The following UBAP2 variants were observed in gnomAD, a reference collection of about 807,000 sequenced individuals.
UBAP2 encodes ubiquitin-associated protein 2.
UBAP2 carries 75 observed loss-of-function variants against 139.6 expected under a neutral mutation model. The observed-to-expected ratio is 0.54, with a 90% confidence interval of 0.45 to 0.65. UBAP2 has a LOEUF of 0.65. Among genes scored for constraint, UBAP2 ranks in the 30% least tolerant of loss-of-function variants. The pLI, the probability that UBAP2 is intolerant of heterozygous loss-of-function variation, is 0.00. For synonymous variants in UBAP2, 526 were observed against 526.2 expected (o/e 1.00, Z 0.01); for missense variants, 1,368 against 1,369.6 (o/e 1.00, Z 0.02).
intron 1 of UBAP2, among the ~76,000 whole-genome samples, chr9:34,026,035 A>C (rs1039572398): frequency 4.6e-5 from 7 of 152,174 alleles, no homozygotes; most frequent in African/African-American, 1.4e-4. Flanking sequence ...AATTCATCTA[A>C]CTTTAAGGCA....
At position 33,977,185 on chromosome 9, in the gene UBAP2, C is replaced by G. The variant is rs535547436; in HGVS notation, c.521-3948G>C. On this transcript the variant is annotated intron_variant, in intron 6 of 28. Coordinates refer to ENST00000379238, the MANE Select transcript of UBAP2 (RefSeq NM_001370062.2). ...TCCTGAGTAGCTGGGATTACAGGTGCCTGCCACCACGCCTGGCTGATTTTT... is the reference window on the plus strand; with the variant it reads ...TCCTGAGTAGCTGGGATTACAGGTGGCTGCCACCACGCCTGGCTGATTTTT... Among the ~76,000 whole-genome samples the G allele has an allele frequency of 3.5e-4, 53 of 151,094 alleles. 1 individual carries two copies. The highest frequency in any genetic ancestry group is 3.5e-3 in the Admixed American group (53 of 15,200).
intron 4 of UBAP2, among the ~76,000 whole-genome samples, chr9:33,991,859 T>C (rs1564051572): frequency 6.6e-6 from 1 of 152,318 alleles, no homozygotes; most frequent in East Asian, 1.9e-4. Flanking sequence ...ATACACAATG[T>C]ACATCTTTAC....
Position 33,948,494 on chromosome 9 carries a change from T to G in UBAP2, c.1150A>C (p.Ser384Arg). The G allele has an allele frequency of 6.2e-7, 1 of 1,614,182 alleles. No homozygotes were observed. The change falls in exon 13 of 29, where the codon AGT becomes CGT. Residue 384 changes from serine (S) to arginine (R), a missense_variant. Coordinates refer to ENST00000379238, the MANE Select transcript of UBAP2 (RefSeq NM_001370062.2). ...GGGGTGGTGGTAAACTGGCCCAAAC[T>G]CGGAGCTTTCAACTGGTCCAAAATC... ...SQILDQLKAP[S>R]LGQFTTTPST...
chr9:34,039,151 C>A (rs979152884), intron 1 of UBAP2, among the ~76,000 whole-genome samples: 4 of 149,856 alleles, frequency 2.7e-5, no homozygotes, highest in Admixed American at 2.0e-4. Flanking sequence ...AGGTGGGGGG[C>A]AGCCTCCGCC....
At chr9:33,999,131 C>T (rs7044541) in intron 2 of UBAP2, among the ~76,000 whole-genome samples, 122,808 of 152,042 alleles carry the variant, frequency 0.81, 49,728 homozygotes, top group Middle Eastern at 0.87. Flanking sequence ...TTACTTGAAT[C>T]TTCTTTCCCT....
chr9:34,039,122 G>A (rs1379781442), intron 1 of UBAP2, among the ~76,000 whole-genome samples: 18 of 151,606 alleles, frequency 1.2e-4, no homozygotes, highest in African/African-American at 3.1e-4. Flanking sequence ...GTCTCCGCCC[G>A]GCAGCCGGCC....
chr9:33,952,865 G>T (rs143424765), intron 12 of UBAP2: 22 of 154,912 alleles, frequency 1.4e-4, no homozygotes, highest in African/African-American at 4.8e-4. Flanking sequence ...ATCTACTGTA[G>T]AATTTTTTGA....
intron 11 of UBAP2, among the ~76,000 whole-genome samples, chr9:33,955,604 G>A (rs1359417164): frequency 3.3e-5 from 5 of 151,964 alleles, no homozygotes; most frequent in Admixed American, 2.6e-4. Context: ...TGAGGTGGGC[G>A]GATCACCTGA....
intron 11 of UBAP2, among the ~76,000 whole-genome samples, chr9:33,955,349 T>C (rs1826463088): frequency 6.6e-6 from 1 of 151,844 alleles, no homozygotes; most frequent in Non-Finnish European, 1.5e-5. Context: ...TGAAACCCCG[T>C]CTCCACTAAA....
intron 8 of UBAP2, chr9:33,968,072 T>C: frequency 4.4e-6 from 2 of 457,952 alleles, no homozygotes; most frequent in Non-Finnish European, 8.5e-6. Flanking sequence ...AAAGGCACTC[T>C]AACTTATCAG....
chr9:33,928,702 A>G (rs139328070), intron 19 of UBAP2: 1 of 152,532 alleles, frequency 6.6e-6, no homozygotes, highest in East Asian at 1.9e-4. Context: ...ACAGGGTCCT[A>G]TGAAGAACTT....
intron 10 of UBAP2, among the ~76,000 whole-genome samples, chr9:33,958,178 A>G (rs1392857117): frequency 4.6e-5 from 7 of 152,032 alleles, no homozygotes; most frequent in Non-Finnish European, 8.8e-5. Context: ...CCCAGGCTGC[A>G]CTTGATCTCT....
At chr9:33,926,888 G>C in intron 21 of UBAP2, 101 bp downstream of exon 21, 1 of 1,232,142 alleles carries the variant, frequency 8.1e-7, no homozygotes, top group Non-Finnish European at 1.2e-6. Context: ...TGGAAGGGCA[G>C]CTCAAGGTGG....
chr9:33,995,444 AAAT>A (rs1822089670), intron 4 of UBAP2: 1 of 138,096 alleles, frequency 7.2e-6, no homozygotes, highest in Non-Finnish European at 1.5e-5. Flanking sequence ...CAAATATTAT[AAAT>A]ATTATATATA....
intron 6 of UBAP2, among the ~76,000 whole-genome samples, chr9:33,978,364 C>CT (rs1467123957): frequency 6.6e-6 from 1 of 152,020 alleles, no homozygotes; most frequent in Non-Finnish European, 1.5e-5. Context: ...GCAAGAGCCC[C>CT]TTCTCTACCT....
At chr9:33,967,697 T>C (rs902463215) in intron 8 of UBAP2, among the ~76,000 whole-genome samples, 11 of 152,204 alleles carry the variant, frequency 7.2e-5, no homozygotes, top group Non-Finnish European at 1.5e-4. Context: ...AGATTTTATA[T>C]TAATTTCTGA....
chr9:33,942,325 A>C (rs1051163264), intron 15 of UBAP2, among the ~76,000 whole-genome samples: 1 of 152,004 alleles, frequency 6.6e-6, no homozygotes, highest in Non-Finnish European at 1.5e-5. Flanking sequence ...AAAAGAAAAA[A>C]AATAAGAAGA....
chr9:33,984,438 G>A (rs981008973), intron 6 of UBAP2, among the ~76,000 whole-genome samples: 3 of 152,006 alleles, frequency 2.0e-5, no homozygotes, highest in Non-Finnish European at 4.4e-5. Flanking sequence ...TGAGGTAGGA[G>A]GACAGCTTGA....
intron 6 of UBAP2, among the ~76,000 whole-genome samples, chr9:33,985,358 C>T (rs1403156973): frequency 3.3e-5 from 5 of 152,162 alleles, no homozygotes; most frequent in Non-Finnish European, 2.9e-5. Flanking sequence ...CAAGTCCTCA[C>T]TTCTAGCTAT....
Sources: gnomAD v4.1 joint callset for allele counts (sites outside exome capture counted in the v4.1 genomes callset) on GRCh38, gnomAD v4.1.1 for gene constraint, MANE v1.5 for transcripts, NCBI Gene and HGNC (gene_info 2026-07-23, HGNC 2026-07-21) for gene names.